The following ANK3 variants were observed in gnomAD, a reference collection of about 807,000 sequenced individuals.
ANK3 encodes ankyrin 3.
ANK3 carries 57 observed loss-of-function variants against 370.9 expected under a neutral mutation model. The ratio of observed to expected loss-of-function variants is 0.15; its 90% CI spans 0.12 to 0.19. The LOEUF (loss-of-function observed/expected upper bound fraction) is 0.19. ANK3 is among the 10% of genes least tolerant of loss of function. The pLI is 1.00. For missense variants in ANK3, 4,439 were observed against 5,302.1 expected, an observed-to-expected ratio of 0.84 and a Z score of 5.06; for synonymous variants, 1,929 against 1,946.3, an observed-to-expected ratio of 0.99 and a Z score of 0.23.
intron 1 of ANK3, among the ~76,000 whole-genome samples, chr10:60,655,668 T>C (rs1201159315): frequency 1.3e-5 from 2 of 152,114 alleles, no homozygotes; most frequent in African/African-American, 2.4e-5. Flanking sequence ...ATAAATTTAG[T>C]GTAGCCTAAG....
chr10:60,578,117 G>C (rs1054577059), intron 2 of ANK3, among the ~76,000 whole-genome samples: 1 of 152,052 alleles, frequency 6.6e-6, no homozygotes, highest in Non-Finnish European at 1.5e-5. Context: ...CTTCAACCAG[G>C]TCCATAGCAG....
intron 1 of ANK3, among the ~76,000 whole-genome samples, chr10:60,666,851 C>A (rs1054078271): frequency 6.6e-6 from 1 of 152,106 alleles, no homozygotes; most frequent in African/African-American, 2.4e-5. Flanking sequence ...AAGATGATAA[C>A]TCTTCTCTTA....
intron 23 of ANK3, among the ~76,000 whole-genome samples, chr10:60,165,299 A>G (rs1005214237): frequency 4.6e-5 from 7 of 152,226 alleles, no homozygotes; most frequent in Non-Finnish European, 1.0e-4. Context: ...TGAGAAGGCA[A>G]TGAAATATAA....
At chr10:60,459,661 A>T (rs1037537657) in intron 2 of ANK3, among the ~76,000 whole-genome samples, 5 of 152,078 alleles carry the variant, frequency 3.3e-5, no homozygotes, top group Admixed American at 6.6e-5. Flanking sequence ...CTGTTTCCAT[A>T]AAGATTTCCC....
chr10:60,040,933 T>C (rs1258090674), intron 43 of ANK3, among the ~76,000 whole-genome samples: 1 of 152,210 alleles, frequency 6.6e-6, no homozygotes, highest in Non-Finnish European at 1.5e-5. Flanking sequence ...TCATGCTTAG[T>C]ATTTTGTGGA....
chr10:60,295,557 T>C (rs2042318569), intron 1 of ANK3, among the ~76,000 whole-genome samples: 1 of 152,264 alleles, frequency 6.6e-6, no homozygotes, highest in Non-Finnish European at 1.5e-5. Context: ...TTGACCTCAT[T>C]TGCCCAGTGC....
intron 11 of ANK3, among the ~76,000 whole-genome samples, chr10:60,204,977 A>G (rs1300207948): frequency 6.6e-6 from 1 of 152,170 alleles, no homozygotes; most frequent in Non-Finnish European, 1.5e-5. Context: ...GAGGCAAACA[A>G]GAGAGTGTCT....
At chr10:60,400,327 G>A (rs1423698971) in intron 2 of ANK3, among the ~76,000 whole-genome samples, 1 of 152,104 alleles carries the variant, frequency 6.6e-6, no homozygotes, top group Non-Finnish European at 1.5e-5. Flanking sequence ...AGGAGTTATG[G>A]GAAAGGAATA....
chr10:60,078,032 T>C (rs1429238647), intron 36 of ANK3, among the ~76,000 whole-genome samples: 1 of 152,230 alleles, frequency 6.6e-6, no homozygotes, highest in East Asian at 1.9e-4. Flanking sequence ...GTCAGAGATT[T>C]GCAAGGCCTG....
chr10:60,086,389 C>T (rs985731009), intron 30 of ANK3, among the ~76,000 whole-genome samples: 5 of 152,002 alleles, frequency 3.3e-5, no homozygotes, highest in Admixed American at 2.0e-4. Context: ...CTAGATGCTC[C>T]AGTAGATTCA....
intron 42 of ANK3, among the ~76,000 whole-genome samples, chr10:60,046,625 C>T (rs1181943813): frequency 6.6e-6 from 1 of 151,740 alleles, no homozygotes; most frequent in Non-Finnish European, 1.5e-5. Context: ...AATAATAAGC[C>T]AAAATGAATA....
intron 2 of ANK3, among the ~76,000 whole-genome samples, chr10:60,449,497 G>C (rs4511241): frequency 6.6e-6 from 1 of 152,000 alleles, no homozygotes; most frequent in African/African-American, 2.4e-5. Context: ...AGGAAATTTC[G>C]TCTCATTAAA....
intron 40 of ANK3, chr10:60,059,813 G>A (rs751324021): frequency 3.3e-5 from 53 of 1,614,070 alleles, no homozygotes; most frequent in East Asian, 4.5e-5. Context: ...CTGCAGTTAC[G>A]ACTGGAGGTC....
chr10:60,440,541 C>G (rs1013421623), intron 2 of ANK3, among the ~76,000 whole-genome samples: 3 of 152,066 alleles, frequency 2.0e-5, no homozygotes, highest in African/African-American at 7.3e-5. Context: ...GGAACCACCC[C>G]CATGATCCTC....
intron 2 of ANK3, among the ~76,000 whole-genome samples, chr10:60,560,571 C>A (rs186031911): frequency 6.6e-6 from 1 of 152,102 alleles, no homozygotes; most frequent in African/African-American, 2.4e-5. Context: ...AGAACAGTTA[C>A]GGAGAAAAAG....
intron 1 of ANK3, among the ~76,000 whole-genome samples, chr10:60,646,023 G>A (rs1484688736): frequency 1.3e-5 from 2 of 151,804 alleles, no homozygotes; most frequent in East Asian, 2.0e-4. Flanking sequence ...TATCAACTAT[G>A]GGGAAGAGAA....
chr10:60,496,851 T>A (rs1326478134), intron 2 of ANK3, among the ~76,000 whole-genome samples: 1 of 151,904 alleles, frequency 6.6e-6, no homozygotes, highest in Non-Finnish European at 1.5e-5. Context: ...AGGGCCTGAG[T>A]CTCCTATTTT....
chr10:60,602,824 C>A (rs1439683212), intron 2 of ANK3, among the ~76,000 whole-genome samples: 1 of 152,126 alleles, frequency 6.6e-6, no homozygotes, highest in Non-Finnish European at 1.5e-5. Context: ...GTGTTAGACC[C>A]TCTCCTAGAT....
At chr10:60,697,830 G>A (rs1389899807) in intron 1 of ANK3, among the ~76,000 whole-genome samples, 5 of 151,892 alleles carry the variant, frequency 3.3e-5, no homozygotes, top group South Asian at 2.1e-4. Flanking sequence ...TTACCATTCA[G>A]GACATAGGCA....
Sources: allele counts gnomAD v4.1 joint callset (sites outside exome capture counted in the v4.1 genomes callset), GRCh38; gene constraint gnomAD v4.1.1; transcripts MANE v1.5; gene names NCBI Gene and HGNC (gene_info 2026-07-23, HGNC 2026-07-21).